Variants in EPHB1 observed in about 807,000 individuals in gnomAD.
EPHB1 encodes the protein ephrin type-B receptor 1.
A neutral mutation model predicts 94.4 loss-of-function variants in EPHB1; 30 were observed. That is an observed-to-expected ratio of 0.32 (90% CI 0.24 to 0.43). EPHB1 has a LOEUF of 0.43. Ranked by LOEUF, EPHB1 falls within the 20% of genes least tolerant of loss-of-function variation. EPHB1 has a pLI of 1.00. For synonymous variants in EPHB1, 522 were observed against 489.1 expected, an observed-to-expected ratio of 1.07 and a Z score of -0.89; for missense variants, 1,055 against 1,308.3, an observed-to-expected ratio of 0.81 and a Z score of 2.99.
chr3:135,227,548 C>G (rs2107722708), intron 12 of EPHB1, among the ~76,000 whole-genome samples: 1 of 152,282 alleles, frequency 6.6e-6, no homozygotes, highest in Middle Eastern at 3.4e-3. Flanking sequence ...CTTTCCCCTT[C>G]AGCGCCTCAC....
At chr3:135,247,720 T>C (rs975234823) in intron 13 of EPHB1, among the ~76,000 whole-genome samples, 4 of 152,254 alleles carry the variant, frequency 2.6e-5, no homozygotes, top group Non-Finnish European at 5.9e-5. Flanking sequence ...ACCAATTATT[T>C]GTTTAACCAA....
At chr3:134,910,529 G>A (rs2038429924) in intron 1 of EPHB1, among the ~76,000 whole-genome samples, 1 of 152,232 alleles carries the variant, frequency 6.6e-6, no homozygotes, top group Admixed American at 6.5e-5. Context: ...GCTATTGATT[G>A]GGAAACACAA....
chr3:134,810,745 G>A (rs1432392290), intron 1 of EPHB1, among the ~76,000 whole-genome samples: 1 of 152,160 alleles, frequency 6.6e-6, no homozygotes, highest in South Asian at 2.1e-4. Flanking sequence ...TTCTGCCATC[G>A]TGGACTCCAG....
chr3:134,808,684 G>C (rs2036114213), intron 1 of EPHB1, among the ~76,000 whole-genome samples: 1 of 152,206 alleles, frequency 6.6e-6, no homozygotes, highest in Non-Finnish European at 1.5e-5. Flanking sequence ...AAAGTGATGG[G>C]CAAGTTAAAA....
At chr3:134,964,658 T>A (rs1175811858) in intron 3 of EPHB1, among the ~76,000 whole-genome samples, 1 of 152,232 alleles carries the variant, frequency 6.6e-6, no homozygotes, top group Non-Finnish European at 1.5e-5. Context: ...GATCTGAATG[T>A]GGAGGCCCTT....
chr3:135,221,803 T>C (rs1559880482), intron 12 of EPHB1, among the ~76,000 whole-genome samples: 3 of 152,206 alleles, frequency 2.0e-5, no homozygotes, highest in African/African-American at 7.2e-5. Flanking sequence ...ATTCTTTAAG[T>C]AAACCCCTAA....
chr3:135,048,224 C>CTTTTTTTTTTTTTTTT (rs71157318), intron 3 of EPHB1, among the ~76,000 whole-genome samples: 2 of 109,018 alleles, frequency 1.8e-5, no homozygotes, highest in East Asian at 2.8e-4. Flanking sequence ...AAAAAATACT[C>CTTTTTTTTTTTTTTTT]TTTTTTTTTT....
At chr3:134,923,466 C>T (rs1456468967) in intron 1 of EPHB1, among the ~76,000 whole-genome samples, 3 of 152,182 alleles carry the variant, frequency 2.0e-5, no homozygotes, top group Non-Finnish European at 2.9e-5. Context: ...AGGTCCCCCT[C>T]ATTAGACCCA....
intron 6 of EPHB1, among the ~76,000 whole-genome samples, chr3:135,159,709 C>T (rs1020070831): frequency 6.6e-6 from 1 of 152,178 alleles, no homozygotes; most frequent in African/African-American, 2.4e-5. Context: ...GGCAATCTCT[C>T]CCAGGGCCCA....
chr3:135,038,482 G>A (rs73864232), intron 3 of EPHB1, among the ~76,000 whole-genome samples: 1,961 of 152,298 alleles, frequency 0.013, 45 homozygotes, highest in African/African-American at 0.045. Flanking sequence ...GCCCAGTCTG[G>A]CAGCTGACCC....
intron 3 of EPHB1, among the ~76,000 whole-genome samples, chr3:134,980,708 C>A (rs1934370412): frequency 6.6e-6 from 1 of 152,142 alleles, no homozygotes; most frequent in South Asian, 2.1e-4. Flanking sequence ...AGAGGTGACT[C>A]TTGCCATCCT....
chr3:134,882,571 A>G (rs1426921381), intron 1 of EPHB1, among the ~76,000 whole-genome samples: 1 of 152,246 alleles, frequency 6.6e-6, no homozygotes, highest in Non-Finnish European at 1.5e-5. Flanking sequence ...CTGTTTAACC[A>G]TGAGGAATCA....
At chr3:134,844,065 T>G (rs1015656306) in intron 1 of EPHB1, among the ~76,000 whole-genome samples, 1 of 152,268 alleles carries the variant, frequency 6.6e-6, no homozygotes, top group Non-Finnish European at 1.5e-5. Flanking sequence ...GTTTGTTTGT[T>G]TGTTGGTTGA....
chr3:135,243,451 G>A (rs966908713), intron 13 of EPHB1, among the ~76,000 whole-genome samples: 1 of 152,138 alleles, frequency 6.6e-6, no homozygotes, highest in Non-Finnish European at 1.5e-5. Flanking sequence ...GGTCTCAGAG[G>A]GAATAAGAAC....
rs576742664 is a variant in EPHB1 at position 135,172,212 on chromosome 3, T to C, written c.1759+5206T>C. Among the ~76,000 whole-genome samples the C allele has an allele frequency of 8.5e-5, 13 of 152,330 alleles. No homozygotes were observed. In the South Asian group the frequency reaches 2.7e-3, roughly 32 times the overall value. On this transcript the variant is annotated intron_variant, in intron 9 of 15. Transcript: ENST00000398015. ...ACTTGGAAATGCCAGTGTTCAGTGC[T>C]GCAGACACCCAGGCAGGAACCTGGA...
At chr3:134,796,643 C>T (rs1395431221) in intron 1 of EPHB1, among the ~76,000 whole-genome samples, 4 of 152,274 alleles carry the variant, frequency 2.6e-5, no homozygotes, top group African/African-American at 9.6e-5. Flanking sequence ...GCCCCTTCCC[C>T]CGCCTCTGTT....
intron 2 of EPHB1, among the ~76,000 whole-genome samples, chr3:134,947,071 C>T (rs1268132746): frequency 6.6e-6 from 1 of 152,150 alleles, no homozygotes; most frequent in African/African-American, 2.4e-5. Context: ...ATTTTAGTAA[C>T]CATTTTCTAA....
chr3:135,041,326 T>A (rs1470456756), intron 3 of EPHB1, among the ~76,000 whole-genome samples: 1 of 152,182 alleles, frequency 6.6e-6, no homozygotes, highest in Non-Finnish European at 1.5e-5. Flanking sequence ...ACCACTGGGA[T>A]GCTGGGAGGC....
At chr3:134,957,871 C>G (rs1933342494) in intron 3 of EPHB1, among the ~76,000 whole-genome samples, 1 of 152,186 alleles carries the variant, frequency 6.6e-6, no homozygotes, top group South Asian at 2.1e-4. Context: ...AGAAGGCTCT[C>G]AGATCACCTA....
Sources: gnomAD v4.1 joint callset for allele counts (sites outside exome capture counted in the v4.1 genomes callset) on GRCh38, gnomAD v4.1.1 for gene constraint, MANE v1.5 for transcripts, NCBI Gene and HGNC (gene_info 2026-07-23, HGNC 2026-07-21) for gene names.